TRAPPC8: variants seen among roughly 807,000 people sequenced by gnomAD.
TRAPPC8 encodes the protein trafficking protein particle complex subunit 8, also known as general sporulation gene 1 homolog.
Under a neutral mutation model 174.3 loss-of-function variants are expected in TRAPPC8, and 54 were observed. That is an observed-to-expected ratio of 0.31 (90% confidence interval 0.25 to 0.39). The LOEUF is 0.39. Ranked by LOEUF, TRAPPC8 falls within the 10% of genes least tolerant of loss-of-function variation. The pLI, the probability that TRAPPC8 is intolerant of heterozygous loss-of-function variation, is 1.00. For missense variants in TRAPPC8, 1,531 were observed against 1,699.1 expected, an observed-to-expected ratio of 0.90 and a Z score of 1.74; for synonymous variants, 630 against 579.9, an observed-to-expected ratio of 1.09 and a Z score of -1.24.
chr18:31,903,923 T>C, intron 9 of TRAPPC8, among the ~76,000 whole-genome samples: 1 of 151,528 alleles, frequency 6.6e-6, no homozygotes, highest in East Asian at 1.9e-4. Context: ...TCAAATAATA[T>C]ACAATGGTGG....
chr18:31,868,240 G>C (rs1051530722), intron 16 of TRAPPC8, among the ~76,000 whole-genome samples: 5 of 152,074 alleles, frequency 3.3e-5, no homozygotes, highest in African/African-American at 1.2e-4. Flanking sequence ...CTTTCACCAT[G>C]ACATTATTTA....
At chr18:31,927,746 C>A (rs2037679284) in intron 2 of TRAPPC8, among the ~76,000 whole-genome samples, 1 of 152,100 alleles carries the variant, frequency 6.6e-6, no homozygotes, top group Non-Finnish European at 1.5e-5. Flanking sequence ...TGGAGGTTAG[C>A]AAAATATTTG....
chr18:31,831,181 G>A (rs762985989), intron 28 of TRAPPC8, among the ~76,000 whole-genome samples, 192 bp from the exon 29 acceptor site: 77 of 152,006 alleles, frequency 5.1e-4, no homozygotes, highest in African/African-American at 1.0e-3. Context: ...ATGAAGCCCC[G>A]TCTCTACTAA....
At chr18:31,878,905 GTTCAA>G (rs1391103802) in intron 12 of TRAPPC8, among the ~76,000 whole-genome samples, 1 of 152,082 alleles carries the variant, frequency 6.6e-6, no homozygotes, top group African/African-American at 2.4e-5. Flanking sequence ...ATGATAAAGA[GTTCAA>G]TTCAACAAGA....
chr18:31,857,899 A>C lies in TRAPPC8; in HGVS notation c.2829T>G (p.Cys943Trp). The C allele has an allele frequency of 6.2e-7, 1 of 1,614,178 alleles. No homozygotes were observed. Among genetic ancestry groups the C allele is most frequent in the Non-Finnish European group, 8.5e-7 (1 of 1,180,010 alleles). ...AYVEFVNVSK[C>W]PLTGLKVVSK... The stretch of plus-strand genomic sequence containing the variant: ...AAACAACCTTCAATCCAGTAAGTGG[A>C]CATTTGCTGACATTGACAAATTCTA... Residue 943 changes from cysteine to tryptophan, a missense_variant, in exon 20 of 29, where the codon TGT (cysteine) becomes TGG (tryptophan). Cys to Trp is a radical substitution (Grantham distance 215). Transcript: ENST00000283351.
intron 12 of TRAPPC8, among the ~76,000 whole-genome samples, chr18:31,884,188 A>AAAAAAC (rs2035592843): frequency 6.6e-6 from 1 of 152,232 alleles, no homozygotes; most frequent in African/African-American, 2.4e-5. Flanking sequence ...AACTCTGCCA[A>AAAAAAC]AAAAACAAAA....
At chr18:31,907,701 G>C (rs2036726456) in intron 8 of TRAPPC8, 91 bp from the exon 9 acceptor site, 2 of 1,113,920 alleles carry the variant, frequency 1.8e-6, no homozygotes, top group Non-Finnish European at 2.4e-6. Context: ...TGTTCTTCTA[G>C]AATATGAAGA....
intron 2 of TRAPPC8, among the ~76,000 whole-genome samples, chr18:31,919,307 C>T (rs1021164166): frequency 2.6e-5 from 4 of 151,962 alleles, no homozygotes; most frequent in Non-Finnish European, 4.4e-5. Context: ...TCAAGGCAGG[C>T]GGATCACTTA....
At chr18:31,900,858 A>AG in intron 10 of TRAPPC8, 67 bp downstream of exon 10, 1 of 215,932 alleles carries the variant, frequency 4.6e-6, no homozygotes, top group Non-Finnish European at 7.4e-6. Context: ...AGGAATGGGG[A>AG]AAAAAAAAAA....
At chr18:31,901,623 A>AG (rs1210311144) in intron 9 of TRAPPC8, among the ~76,000 whole-genome samples, 2 of 152,214 alleles carry the variant, frequency 1.3e-5, no homozygotes, top group Admixed American at 6.5e-5. Context: ...AGGAAAATGA[A>AG]GAATGAATTC....
intron 17 of TRAPPC8, 103 bp downstream of exon 17, chr18:31,867,299 A>T: frequency 1.1e-6 from 1 of 920,266 alleles, no homozygotes; most frequent in Non-Finnish European, 1.7e-6. Flanking sequence ...TTTAGTTCTT[A>T]AGAAAACTAG....
In TRAPPC8 at chr18:31,932,800, A is replaced by G. The variant is rs571760080; in HGVS notation, c.158-1277T>C. ...AGTTCGAGACCAGCCTGGCCAACAT[A>G]GTGAAACCTCGTCTCTACTAAAAAT... is the stretch of plus-strand genomic sequence containing the variant. On this transcript the variant is annotated intron_variant, in intron 1 of 28. Transcript: ENST00000283351. 4.6e-5 allele frequency among the ~76,000 whole-genome samples: 7 copies of G among 151,210 alleles called. No homozygotes were observed. In the East Asian group the frequency reaches 1.4e-3, roughly 30 times the overall value.
intron 26 of TRAPPC8, chr18:31,844,906 C>T (rs2033309345): frequency 6.6e-6 from 1 of 152,040 alleles, no homozygotes; most frequent in Admixed American, 6.6e-5. Context: ...TTATGCAACA[C>T]ATCACTTAGT....
intron 11 of TRAPPC8, among the ~76,000 whole-genome samples, chr18:31,895,111 G>A (rs577139077): frequency 1.3e-5 from 2 of 152,238 alleles, no homozygotes; most frequent in African/African-American, 4.8e-5. Context: ...TCCTCCTTTT[G>A]CCTAGGCCTC....
intron 27 of TRAPPC8, among the ~76,000 whole-genome samples, chr18:31,835,157 TG>T (rs2032636393): frequency 1.3e-5 from 2 of 152,150 alleles, no homozygotes; most frequent in African/African-American, 4.8e-5. Context: ...GAGAATTCTT[TG>T]GGGGAAAGGG....
At chr18:31,856,678 GAACT>G (rs968139801) in intron 20 of TRAPPC8, among the ~76,000 whole-genome samples, 2 of 151,920 alleles carry the variant, frequency 1.3e-5, no homozygotes, top group African/African-American at 4.8e-5. Context: ...CACTGTGGCT[GAACT>G]AACTACATTC....
chr18:31,861,945 G>C (rs2034348809), intron 19 of TRAPPC8, among the ~76,000 whole-genome samples: 1 of 135,042 alleles, frequency 7.4e-6, no homozygotes, highest in Non-Finnish European at 1.6e-5. Context: ...AAGGGGGGGG[G>C]GGGCGGTGGG....
chr18:31,908,475 C>T, intron 7 of TRAPPC8, 57 bp from the exon 8 acceptor site: 6 of 1,233,178 alleles, frequency 4.9e-6, no homozygotes, highest in Admixed American at 5.9e-5. Flanking sequence ...TTTTCCTTTA[C>T]ATAAAAAAAT....
chr18:31,856,389 A>G (rs1440697572), intron 20 of TRAPPC8, among the ~76,000 whole-genome samples: 1 of 152,044 alleles, frequency 6.6e-6, no homozygotes, highest in African/African-American at 2.4e-5. Flanking sequence ...CCCCCCAAAA[A>G]TCAATCATAT....
Sources: gnomAD v4.1 joint callset for allele counts (sites outside exome capture counted in the v4.1 genomes callset) on GRCh38, gnomAD v4.1.1 for gene constraint, MANE v1.5 for transcripts, NCBI Gene and HGNC (gene_info 2026-07-23, HGNC 2026-07-21) for gene names.